The following PIP5K1C variants were observed in gnomAD, a reference collection of about 807,000 sequenced individuals.
PIP5K1C encodes phosphatidylinositol 4-phosphate 5-kinase type-1 gamma.
A neutral mutation model predicts 80.1 loss-of-function variants in PIP5K1C; 45 were observed. The ratio of observed to expected loss-of-function variants is 0.56; its 90% confidence interval spans 0.44 to 0.72. The LOEUF is 0.72. PIP5K1C is among the 30% of genes least tolerant of loss of function. The pLI is 0.00. For synonymous variants in PIP5K1C, 498 were observed against 420.1 expected, an observed-to-expected ratio of 1.19 and a Z score of -2.27; for missense variants, 753 against 954.6, an observed-to-expected ratio of 0.79 and a Z score of 2.78.
At position 3,689,863 on chromosome 19, in the gene PIP5K1C, T is replaced by G. The variant is rs1025488803; in HGVS notation, c.94+10434A>C. On this transcript the variant is annotated intron_variant, in intron 1 of 17. Coordinates refer to ENST00000335312, the MANE Select transcript of PIP5K1C (RefSeq NM_012398.3). The stretch of plus-strand genomic sequence containing the variant: ...CACTCCCCCCCCACACACAGAATGA[T>G]AAAGACATGGCAAAACGTTAGCAGC... 5.3e-5 allele frequency among the ~76,000 whole-genome samples: 8 copies of G among 152,076 alleles called. No homozygotes were observed. In the East Asian group the frequency reaches 1.4e-3, roughly 26 times the overall value.
At position 3,647,365 on chromosome 19, in the gene PIP5K1C, G is replaced by A. The variant is rs2145422918; in HGVS notation, c.1233C>T (p.His411=). 1 of 1,582,120 alleles carries A rather than the reference G, an allele frequency of 6.3e-7. No individual in the cohort carries two copies. The highest frequency in any genetic ancestry group is 1.4e-5 in the African/African-American group (1 of 74,050). Residue 411 remains histidine (H), a synonymous_variant, in exon 10 of 18, where the codon CAC becomes CAT. Coordinates refer to ENST00000335312, the MANE Select transcript of PIP5K1C (RefSeq NM_012398.3). ...CATCGTGGACGAGGGCCTTCCAGGT[G>A]TGCTCCAGTTTCTTGATGAACCTGT... ...QSYRFIKKLE[H]TWKALVHDGD...
At chr19:3,691,268 C>A (rs564600546) in intron 1 of PIP5K1C, among the ~76,000 whole-genome samples, 1 of 152,184 alleles carries the variant, frequency 6.6e-6, no homozygotes, top group South Asian at 2.1e-4. Flanking sequence ...GAACACGGAG[C>A]GCCCGGTCTG....
At chr19:3,680,545 A>G (rs1043025100) in intron 1 of PIP5K1C, among the ~76,000 whole-genome samples, 29 of 152,206 alleles carry the variant, frequency 1.9e-4, no homozygotes, top group African/African-American at 6.5e-4. Flanking sequence ...CAGGTGATCC[A>G]CTCACTTTGG....
intron 2 of PIP5K1C, among the ~76,000 whole-genome samples, chr19:3,666,570 C>T (rs1568339322): frequency 1.3e-5 from 2 of 151,956 alleles, no homozygotes; most frequent in South Asian, 4.2e-4. Context: ...AACACACATG[C>T]ACTCAGGCAA....
In PIP5K1C at chr19:3,653,621, C is replaced by T. The variant is rs376296968; in HGVS notation, c.622-32G>A. 5.9e-5 allele frequency: 94 copies of T among 1,586,976 alleles called. No individual in the cohort carries two copies. In the African/African-American group the frequency reaches 1.0e-3, roughly 18 times the overall value. ...GGGGAAGAGGGCAAGTCGTGGAGGG[C>T]GGCTGGGCCACAGACTCACGGGGGC... On this transcript the variant is annotated intron_variant, in intron 6 of 17. Transcript: ENST00000335312.
intron 15 of PIP5K1C, among the ~76,000 whole-genome samples, chr19:3,639,578 T>C (rs1224513488): frequency 1.3e-5 from 2 of 151,784 alleles, no homozygotes; most frequent in Non-Finnish European, 2.9e-5. Flanking sequence ...ACTATAGGTG[T>C]GCACTGCTAC....
At chr19:3,666,181 C>T (rs1047527151) in intron 2 of PIP5K1C, among the ~76,000 whole-genome samples, 1 of 152,236 alleles carries the variant, frequency 6.6e-6, no homozygotes, top group Non-Finnish European at 1.5e-5. Flanking sequence ...GCTACGGACG[C>T]AGGGCCAAGG....
Position 3,631,274 on chromosome 19 carries a change from G to A in PIP5K1C, c.*1893C>T, listed in dbSNP as rs556385399. On this transcript the variant is annotated 3_prime_UTR_variant, in exon 18 of 18. Transcript: ENST00000335312. ...GCAGGGCGACTCGAGGACTCCCTGG[G>A]AGGACTGGTGTGGCCTCTGGGGGTT... 1.3e-5 allele frequency: 2 copies of A among 152,394 alleles called. No individual in the cohort carries two copies. The highest frequency in any genetic ancestry group is 4.1e-4 in the South Asian group (2 of 4,826). 9.4% of individuals were successfully genotyped at this position (152,394 alleles called of 1,614,324 possible).
At chr19:3,691,819 C>T (rs949992557) in intron 1 of PIP5K1C, among the ~76,000 whole-genome samples, 1 of 152,208 alleles carries the variant, frequency 6.6e-6, no homozygotes, top group Non-Finnish European at 1.5e-5. Flanking sequence ...GATCGGGGAG[C>T]AAAACCACCA....
chr19:3,659,412 C>T (rs905127187), intron 5 of PIP5K1C, among the ~76,000 whole-genome samples: 3 of 152,258 alleles, frequency 2.0e-5, no homozygotes, highest in Non-Finnish European at 1.5e-5. Context: ...GCGATCTTAT[C>T]GGGTTCTAGG....
intron 5 of PIP5K1C, among the ~76,000 whole-genome samples, chr19:3,657,359 G>A (rs777706656): frequency 1.1e-4 from 17 of 152,188 alleles, no homozygotes; most frequent in Non-Finnish European, 7.3e-5. Context: ...GCTACCCTGC[G>A]TCTTCCGGGT....
intron 1 of PIP5K1C, among the ~76,000 whole-genome samples, chr19:3,682,968 C>G (rs1176597806): frequency 6.8e-6 from 1 of 147,334 alleles, no homozygotes; most frequent in East Asian, 2.1e-4. Context: ...TGTCCTTCCC[C>G]TCCCTCCTCT....
At position 3,639,015 on chromosome 19, in the gene PIP5K1C, C is replaced by A. The variant is rs1204442054; in HGVS notation, c.1789G>T (p.Val597Leu). The A allele has an allele frequency of 1.2e-6, 2 of 1,610,504 alleles. No individual in the cohort carries two copies. The highest frequency in any genetic ancestry group is 1.7e-4 in the Middle Eastern group (1 of 6,056). ...GAGGCACCGGCCGGGGAAGCCTCCA[C>A]CCTGGGGACAGGAGTAGACAGAGGG... ...IVVPKEEDAG[V>L]EASPAGASAA... The change falls in exon 16 of 18, where the codon GTG becomes TTG. Residue 597 changes from valine (V) to leucine (L), a missense_variant and splice_region_variant. By Grantham distance (32) the Val-to-Leu change is conservative. Transcript: ENST00000335312.
At position 3,651,814 on chromosome 19, in the gene PIP5K1C, C is replaced by T; in HGVS notation, c.1127+12G>A. 7 of 1,609,260 alleles carry T rather than the reference C, an allele frequency of 4.3e-6. No homozygotes were observed. Among genetic ancestry groups the T allele is most frequent in the Non-Finnish European group, 5.9e-6 (7 of 1,178,412 alleles). ...GAAGCGGGACGGGTCCGGCGGCCCCCCGCCCACCTACGTGTCATCCGATTC... is the reference window on the plus strand; with the variant it reads ...GAAGCGGGACGGGTCCGGCGGCCCCTCGCCCACCTACGTGTCATCCGATTC... On this transcript the variant is annotated intron_variant, in intron 8 of 17. Transcript: ENST00000335312.
chr19:3,634,928 G>A (rs1333956380), intron 16 of PIP5K1C, among the ~76,000 whole-genome samples: 1 of 152,252 alleles, frequency 6.6e-6, no homozygotes. Flanking sequence ...CCCAGCGCAG[G>A]CCTTGCCTGT....
In PIP5K1C at chr19:3,656,980, C is replaced by T. The variant is rs570821602; in HGVS notation, c.469-423G>A. On this transcript the variant is annotated intron_variant, in intron 5 of 17. Coordinates refer to ENST00000335312, the MANE Select transcript of PIP5K1C (RefSeq NM_012398.3). ...GGCTCCACAGATGGGCGACAGGCAG[C>T]TGGCATACCTGCGTATTTGCCCTTC... Among the ~76,000 whole-genome samples the T allele has an allele frequency of 3.3e-5, 5 of 152,386 alleles. No individual in the cohort carries two copies. In the East Asian group the frequency reaches 9.6e-4, roughly 29 times the overall value.
chr19:3,647,421 C>G, intron 9 of PIP5K1C, 35 bp from the exon 10 acceptor site: 2 of 1,555,660 alleles, frequency 1.3e-6, no homozygotes, highest in Non-Finnish European at 1.7e-6. Context: ...CAGCTGACAT[C>G]AGCCAAGCCC....
rs539501355 is a variant in PIP5K1C at position 3,648,180 on chromosome 19, G to A, written c.1211+445C>T. ...GCTGGGACTGCAGGAGCACCACCAC[G>A]CTCAGCTAATTTTTTGATATTTTGT... On this transcript the variant is annotated intron_variant, in intron 9 of 17. Transcript: ENST00000335312. This position sits in a 1 kb window ranked among gnomAD's most constrained non-coding sequence, Gnocchi z 4.3. Among the ~76,000 whole-genome samples, 6 of 151,850 alleles carry A rather than the reference G, an allele frequency of 4.0e-5. No homozygotes were observed. Among genetic ancestry groups the A allele is most frequent in the Admixed American group, 2.0e-4 (3 of 15,254 alleles).
At chr19:3,697,523 C>A (rs572859948) in intron 1 of PIP5K1C, among the ~76,000 whole-genome samples, 2 of 149,810 alleles carry the variant, frequency 1.3e-5, no homozygotes, top group African/African-American at 5.0e-5. Context: ...AAGCTGGACC[C>A]GGGAGGACCA....
Sources: allele counts gnomAD v4.1 joint callset (sites outside exome capture counted in the v4.1 genomes callset), GRCh38; gene constraint gnomAD v4.1.1; non-coding constraint Gnocchi (gnomAD v3.1); transcripts MANE v1.5; gene names NCBI Gene and HGNC (gene_info 2026-07-23, HGNC 2026-07-21).